DPP6: variants seen among roughly 807,000 people sequenced by gnomAD.
DPP6 encodes A-type potassium channel modulatory protein DPP6.
A neutral mutation model predicts 122.6 loss-of-function variants in DPP6; 69 were observed. That is an observed-to-expected ratio of 0.56 (90% CI 0.46 to 0.69). The LOEUF is 0.69. Among genes scored for constraint, DPP6 ranks in the 30% least tolerant of loss-of-function variants. The pLI, the probability that DPP6 is intolerant of heterozygous loss-of-function variation, is 0.00. For missense variants in DPP6, 928 were observed against 1,116.9 expected, an observed-to-expected ratio of 0.83 and a Z score of 2.41; for synonymous variants, 418 against 433.1, an observed-to-expected ratio of 0.97 and a Z score of 0.43.
At chr7:154,772,967 C>CAA (rs11291131) in intron 10 of DPP6, 25 bp downstream of exon 10, 5,205 of 1,316,916 alleles carry the variant, frequency 4.0e-3, no homozygotes, top group South Asian at 8.4e-3. Context: ...ATTATGTTAC[C>CAA]AAAAAAAAAA....
chr7:153,755,961 T>C, the DPP6 span, among the ~76,000 whole-genome samples: 1 of 152,194 alleles, frequency 6.6e-6, no homozygotes, highest in South Asian at 2.1e-4. Flanking sequence ...GTTGCTGCCA[T>C]AACAGCAGGT....
chr7:153,975,706 G>A (rs1796268042), intron 1 of DPP6, among the ~76,000 whole-genome samples: 1 of 151,992 alleles, frequency 6.6e-6, no homozygotes, highest in African/African-American at 2.4e-5. Flanking sequence ...TGGAAGTCAA[G>A]ATAATAGTTT....
At chr7:154,666,942 C>A (rs544879525) in intron 6 of DPP6, among the ~76,000 whole-genome samples, 2 of 152,284 alleles carry the variant, frequency 1.3e-5, no homozygotes, top group African/African-American at 4.8e-5. Flanking sequence ...AGCTTGCTTC[C>A]CGACAAGCAA....
intron 3 of DPP6, among the ~76,000 whole-genome samples, chr7:154,515,686 C>A (rs1342754650): frequency 6.6e-6 from 1 of 152,112 alleles, no homozygotes; most frequent in Non-Finnish European, 1.5e-5. Flanking sequence ...ACCGTGTTAG[C>A]CAGGATGGTC....
chr7:153,956,151 TG>T (rs1409029487), intron 1 of DPP6, among the ~76,000 whole-genome samples: 2 of 152,108 alleles, frequency 1.3e-5, no homozygotes, highest in African/African-American at 4.8e-5. Context: ...GCAGTGAAGT[TG>T]ACGAACACTT....
At chr7:154,437,077 G>A (rs922716287) in intron 1 of DPP6, among the ~76,000 whole-genome samples, 3 of 152,130 alleles carry the variant, frequency 2.0e-5, no homozygotes, top group Non-Finnish European at 2.9e-5. Flanking sequence ...GAAGATGTCC[G>A]TATCCCATTC....
At chr7:154,850,626 T>C (rs1802294881) in intron 16 of DPP6, among the ~76,000 whole-genome samples, 1 of 152,214 alleles carries the variant, frequency 6.6e-6, no homozygotes, top group Admixed American at 6.5e-5. Context: ...ATTGATTCAA[T>C]CTTCTTACTC....
At chr7:154,187,190 C>T (rs1370084973) in intron 1 of DPP6, among the ~76,000 whole-genome samples, 2 of 152,184 alleles carry the variant, frequency 1.3e-5, no homozygotes, top group East Asian at 3.9e-4. Context: ...CATTATTATA[C>T]CACTAATTTG....
At chr7:154,818,937 A>T (rs995228661) in intron 16 of DPP6, among the ~76,000 whole-genome samples, 2 of 152,220 alleles carry the variant, frequency 1.3e-5, no homozygotes, top group Non-Finnish European at 2.9e-5. Context: ...ACACCACGCA[A>T]ACCACTCATA....
rs1160759093 is a variant in DPP6, at chr7:153,958,078, C to T, written c.51+70344C>T. ...ACCCAGGAGGCTAAGGCAGGAGAATCGCTTGAACCCGGGAGGCGGAGGTTG... is the reference window on the plus strand; with the variant it reads ...ACCCAGGAGGCTAAGGCAGGAGAATTGCTTGAACCCGGGAGGCGGAGGTTG... On this transcript the variant is annotated intron_variant, in intron 1 of 25. Coordinates refer to the DPP6 transcript ENST00000404039. Among the ~76,000 whole-genome samples the T allele has an allele frequency of 5.3e-5, 8 of 152,124 alleles. No homozygotes were observed. In the South Asian group the frequency reaches 1.5e-3, roughly 28 times the overall value.
At chr7:154,133,295 C>A (rs995372185) in intron 1 of DPP6, among the ~76,000 whole-genome samples, 1 of 152,168 alleles carries the variant, frequency 6.6e-6, no homozygotes, top group African/African-American at 2.4e-5. Flanking sequence ...TGTTACTTCT[C>A]CACTGTTATC....
intron 3 of DPP6, among the ~76,000 whole-genome samples, chr7:154,529,201 A>G (rs1827649893): frequency 6.6e-6 from 1 of 152,202 alleles, no homozygotes; most frequent in South Asian, 2.1e-4. Context: ...AGGCTTCAAG[A>G]GGAAGAATGG....
chr7:154,676,191 C>G (rs1172315365), intron 7 of DPP6, among the ~76,000 whole-genome samples: 254 of 147,096 alleles, frequency 1.7e-3, no homozygotes, highest in Middle Eastern at 0.011. Flanking sequence ...TACAGCCTTG[C>G]AGCGTGCTGT....
chr7:154,111,223 G>T (rs974586133), intron 1 of DPP6, among the ~76,000 whole-genome samples: 8 of 152,092 alleles, frequency 5.3e-5, no homozygotes, highest in Admixed American at 5.2e-4. Flanking sequence ...TTTTGAAGTA[G>T]GTCTCTCCCA....
intron 1 of DPP6, among the ~76,000 whole-genome samples, chr7:154,186,912 T>C (rs529680900): frequency 1.3e-5 from 2 of 152,044 alleles, no homozygotes; most frequent in East Asian, 1.9e-4. Flanking sequence ...AATGGAGGAG[T>C]GGCTATGCGG....
intron 1 of DPP6, among the ~76,000 whole-genome samples, chr7:154,424,107 A>T (rs1195721754): frequency 6.6e-6 from 1 of 152,218 alleles, no homozygotes; most frequent in East Asian, 1.9e-4. Context: ...CATTAGAGAG[A>T]TGAGGTGCAA....
At chr7:153,887,029 G>C (rs1269701656), upstream of DPP6, 3 of 152,348 alleles carry the variant, frequency 2.0e-5, no homozygotes, top group African/African-American at 4.8e-5. Flanking sequence ...GGGAGGGGCT[G>C]CCCTCGTTAC....
chr7:154,887,836 C>G (rs1806288901), intron 23 of DPP6, 102 bp downstream of exon 23: 13 of 1,316,128 alleles, frequency 9.9e-6, no homozygotes, highest in Non-Finnish European at 1.4e-5. Flanking sequence ...TTCCCCAGCC[C>G]CATGCTTCTC....
intron 12 of DPP6, among the ~76,000 whole-genome samples, chr7:154,798,245 C>G (rs1403882111): frequency 6.6e-6 from 1 of 152,192 alleles, no homozygotes; most frequent in Non-Finnish European, 1.5e-5. Flanking sequence ...GTTCTGTCCT[C>G]CAGCGCTCAC....
Sources: allele counts gnomAD v4.1 joint callset (sites outside exome capture counted in the v4.1 genomes callset), GRCh38; gene constraint gnomAD v4.1.1; transcripts MANE v1.5; gene names NCBI Gene and HGNC (gene_info 2026-07-23, HGNC 2026-07-21).